LRRC8B: variants seen among roughly 807,000 people sequenced by gnomAD.
The protein encoded by LRRC8B is volume-regulated anion channel subunit LRRC8B.
A neutral mutation model predicts 58.8 loss-of-function variants in LRRC8B; 23 were observed. The observed-to-expected ratio is 0.39, with a 90% CI of 0.28 to 0.55. The LOEUF (loss-of-function observed/expected upper bound fraction) is 0.55. LRRC8B is among the 20% of genes least tolerant of loss of function. The pLI, the probability that LRRC8B is intolerant of heterozygous loss-of-function variation, is 0.62. For synonymous variants in LRRC8B, 359 were observed against 374.1 expected, an observed-to-expected ratio of 0.96 and a Z score of 0.47; for missense variants, 694 against 936.0, an observed-to-expected ratio of 0.74 and a Z score of 3.37.
Position 89,541,171 on chromosome 1 carries a change from C to A in LRRC8B, c.-241+16149C>A, listed in dbSNP as rs148760641. 3.1e-3 allele frequency among the ~76,000 whole-genome samples: 471 copies of A among 152,254 alleles called. 2 individuals carry two copies. Among genetic ancestry groups the A allele is most frequent in the Non-Finnish European group, 2.3e-3 (158 of 68,010 alleles). On this transcript the variant is annotated intron_variant, in intron 1 of 5. Coordinates refer to ENST00000330947, the MANE Select transcript of LRRC8B (RefSeq NM_001369817.2). ...TTTGCACAGGAGAGGTTTGCTGAAACCAGGTAATCCCTCCAGGCAGCTTAG... is the reference window on the plus strand; with the variant it reads ...TTTGCACAGGAGAGGTTTGCTGAAAACAGGTAATCCCTCCAGGCAGCTTAG...
chr1:89,540,152 A>G (rs1650848418), intron 1 of LRRC8B, among the ~76,000 whole-genome samples: 3 of 152,180 alleles, frequency 2.0e-5, no homozygotes. Context: ...AATTATTTTT[A>G]AGTTTATTAT....
intron 1 of LRRC8B, among the ~76,000 whole-genome samples, chr1:89,563,263 T>C (rs1031423890): frequency 2.0e-5 from 3 of 152,214 alleles, no homozygotes; most frequent in African/African-American, 7.2e-5. Context: ...TCTGTGGCAT[T>C]AAGTTCATTT....
rs951898344 is a variant in LRRC8B at position 89,530,361 on chromosome 1, A to AAAAT, written c.-241+5358_-241+5361dup. ...GCGACAGAGCAAGACTCTGTCTCCA[A>AAAAT]AAATAAATAAATAAATAAATAATAA... On this transcript the variant is annotated intron_variant, in intron 1 of 5. Transcript: ENST00000330947. 2.1e-3 allele frequency among the ~76,000 whole-genome samples: 292 copies of AAAAT among 138,862 alleles called. 2 individuals carry two copies. Among genetic ancestry groups the AAAAT allele is most frequent in the African/African-American group, 6.5e-3 (231 of 35,776 alleles). The allele number at this position is 138,862 out of a possible 152,430, so 91.1% of individuals were successfully genotyped here.
chr1:89,582,115 G>A (rs1654268045), intron 4 of LRRC8B, among the ~76,000 whole-genome samples: 1 of 151,998 alleles, frequency 6.6e-6, no homozygotes, highest in African/African-American at 2.4e-5. Context: ...TAGGTGGCTG[G>A]CTGTGGTGAC....
At chr1:89,565,121 A>G (rs919474670) in intron 1 of LRRC8B, among the ~76,000 whole-genome samples, 5 of 152,222 alleles carry the variant, frequency 3.3e-5, no homozygotes, top group African/African-American at 9.6e-5. Context: ...AATATGTGGT[A>G]GGCTCTCAGG....
intron 1 of LRRC8B, among the ~76,000 whole-genome samples, chr1:89,561,459 G>C (rs1438076472): frequency 8.2e-6 from 1 of 122,514 alleles, no homozygotes; most frequent in East Asian, 2.2e-4. Context: ...TGAAGTCCTT[G>C]CCCATGCCTA....
At chr1:89,550,675 T>C (rs1651731125) in intron 1 of LRRC8B, among the ~76,000 whole-genome samples, 1 of 152,216 alleles carries the variant, frequency 6.6e-6, no homozygotes, top group Non-Finnish European at 1.5e-5. Context: ...TAGCACTTTA[T>C]AACAGAGCCT....
Position 89,582,697 on chromosome 1 carries a change from C to G in LRRC8B, c.47C>G (p.Ser16Cys). 1 of 1,614,172 alleles carries G rather than the reference C, an allele frequency of 6.2e-7. No homozygotes were observed. The highest frequency in any genetic ancestry group is 8.5e-7 in the Non-Finnish European group (1 of 1,180,010). The part of the protein sequence containing the change: ...ELKCLADAQS[S>C]YHILKPWWDV... ...AAATGCTTAGCAGATGCCCAGTCAT[C>G]TTATCACATCTTAAAACCATGGTGG... Residue 16 changes from serine to cysteine, a missense_variant, in exon 5 of 6, where the codon TCT (serine) becomes TGT (cysteine). Ser to Cys is a moderately radical substitution (Grantham distance 112). Coordinates refer to ENST00000330947, the MANE Select transcript of LRRC8B (RefSeq NM_001369817.2).
intron 1 of LRRC8B, among the ~76,000 whole-genome samples, chr1:89,553,478 G>A (rs1034609923): frequency 2.6e-5 from 4 of 152,136 alleles, no homozygotes; most frequent in African/African-American, 9.7e-5. Flanking sequence ...TGTTGTAAAT[G>A]ACTGTTCTTC....
At chr1:89,570,245 G>A (rs749881590) in intron 3 of LRRC8B, among the ~76,000 whole-genome samples, 4 of 152,166 alleles carry the variant, frequency 2.6e-5, no homozygotes, top group Admixed American at 6.5e-5. Context: ...CCAGTAATGC[G>A]ATGGCTGGGT....
chr1:89,549,679 A>G (rs745617914), intron 1 of LRRC8B, among the ~76,000 whole-genome samples: 9 of 152,294 alleles, frequency 5.9e-5, no homozygotes, highest in Non-Finnish European at 1.0e-4. Flanking sequence ...TAAACTTTTA[A>G]TGAATTCAGT....
intron 1 of LRRC8B, among the ~76,000 whole-genome samples, chr1:89,551,325 T>C (rs1651793430): frequency 6.6e-6 from 1 of 152,182 alleles, no homozygotes; most frequent in Admixed American, 6.5e-5. Flanking sequence ...ACCAGCCATG[T>C]GTCATCAGCA....
chr1:89,562,241 C>G (rs1286751951), intron 1 of LRRC8B, among the ~76,000 whole-genome samples: 2 of 151,704 alleles, frequency 1.3e-5, no homozygotes, highest in African/African-American at 4.8e-5. Context: ...TCTTCCCTGC[C>G]TTTACCTACC....
chr1:89,572,190 G>A (rs1290857396), intron 3 of LRRC8B, among the ~76,000 whole-genome samples: 1 of 152,140 alleles, frequency 6.6e-6, no homozygotes, highest in Non-Finnish European at 1.5e-5. Context: ...CTGGCTGGTA[G>A]GGTTTCAGCT....
chr1:89,588,593 A>G (rs1654786407), intron 5 of LRRC8B, among the ~76,000 whole-genome samples: 1 of 152,206 alleles, frequency 6.6e-6, no homozygotes, highest in Non-Finnish European at 1.5e-5. Flanking sequence ...AGTCAAATTC[A>G]TGTTTGATTC....
In LRRC8B at chr1:89,594,766, G is replaced by A. The variant is rs1157394297; in HGVS notation, c.*1723G>A. ...ATCAACTGACTCATTTTTGGGAAAT[G>A]TACATCTTTAATATGTTTTTCCCTA... is the stretch of plus-strand genomic sequence containing the variant. On this transcript the variant is annotated 3_prime_UTR_variant, in exon 6 of 6. Coordinates refer to ENST00000330947, the MANE Select transcript of LRRC8B (RefSeq NM_001369817.2). The A allele has an allele frequency of 6.6e-6, 1 of 152,074 alleles. No individual in the cohort carries two copies. Among genetic ancestry groups the A allele is most frequent in the Non-Finnish European group, 1.5e-5 (1 of 67,982 alleles). 9.4% of individuals were successfully genotyped at this position (152,074 alleles called of 1,614,324 possible).
At chr1:89,584,892 C>A in intron 5 of LRRC8B, 103 bp downstream of exon 5, 1 of 794,910 alleles carries the variant, frequency 1.3e-6, no homozygotes, top group Non-Finnish European at 2.0e-6. Flanking sequence ...GTTCTCAAGC[C>A]AAGCCCAATC....
intron 1 of LRRC8B, among the ~76,000 whole-genome samples, chr1:89,566,206 A>G (rs891136139): frequency 9.9e-5 from 15 of 152,206 alleles, no homozygotes; most frequent in African/African-American, 3.6e-4. Context: ...AGCTTCACAT[A>G]TATTAATAAA....
At position 89,584,058 on chromosome 1, in the gene LRRC8B, G is replaced by C. The variant is rs1245411936; in HGVS notation, c.1408G>C (p.Val470Leu). Residue 470 changes from valine to leucine, a missense_variant, in exon 5 of 6, where the codon GTG (valine) becomes CTG (leucine). Around this residue, in one of 5 missense-constraint regions of LRRC8B, gnomAD observed 162 missense variants for 198.5 expected, o/e 0.82. Coordinates refer to ENST00000330947, the MANE Select transcript of LRRC8B (RefSeq NM_001369817.2). ...GCTGGTCAACCTCAAGGAGCTTCGT[G>C]TGTACCATTCATCTCTGGTCGTAGA... ...SQLVNLKELR[V>L]YHSSLVVDHP... The C allele has an allele frequency of 3.1e-6, 5 of 1,614,148 alleles. No individual in the cohort carries two copies. The highest frequency in any genetic ancestry group is 4.2e-6 in the Non-Finnish European group (5 of 1,180,026).
Sources: allele counts gnomAD v4.1 joint callset (sites outside exome capture counted in the v4.1 genomes callset), GRCh38; gene constraint gnomAD v4.1.1; regional missense constraint gnomAD v4.1.1; transcripts MANE v1.5; gene names NCBI Gene and HGNC (gene_info 2026-07-23, HGNC 2026-07-21).